Variants in HIPK1 observed in about 807,000 individuals in gnomAD.
HIPK1 encodes the protein homeodomain interacting protein kinase 1.
A neutral mutation model predicts 117.1 loss-of-function variants in HIPK1; 28 were observed. The ratio of observed to expected loss-of-function variants is 0.24; its 90% CI spans 0.18 to 0.33. The LOEUF (loss-of-function observed/expected upper bound fraction) is 0.33. HIPK1 is among the 10% of genes least tolerant of loss of function. HIPK1 has a pLI of 1.00. For missense variants in HIPK1, 1,122 were observed against 1,475.1 expected, an observed-to-expected ratio of 0.76 and a Z score of 3.92; for synonymous variants, 605 against 562.5, an observed-to-expected ratio of 1.08 and a Z score of -1.07.
Position 113,956,842 on chromosome 1 carries a change from A to G in HIPK1, c.1592+31A>G, listed in dbSNP as rs557768965. 138 of 1,600,098 alleles carry G rather than the reference A, an allele frequency of 8.6e-5. 1 individual carries two copies. The South Asian group carries it at 9.0e-4, about 10-fold the overall frequency. On this transcript the variant is annotated intron_variant, in intron 6 of 15. Coordinates refer to ENST00000426820, the MANE Select transcript of HIPK1 (RefSeq NM_198268.3). Reference sequence around the variant, plus strand: ...TATGGAATATTCTGGGGCTTTTGCCATGTGGTTCTTTGTTGAGTTACCGCC... The same window carrying G: ...TATGGAATATTCTGGGGCTTTTGCCGTGTGGTTCTTTGTTGAGTTACCGCC...
chr1:113,966,088 A>T (rs764368808), intron 10 of HIPK1, 42 bp from the exon 11 acceptor site: 1 of 1,572,272 alleles, frequency 6.4e-7, no homozygotes. Flanking sequence ...AAAGCCAAGA[A>T]TGAATCAAGT....
chr1:113,930,954 T>C (rs775581520), intron 1 of HIPK1: 5 of 152,384 alleles, frequency 3.3e-5, no homozygotes, highest in South Asian at 2.1e-4. Flanking sequence ...AGTGACACTT[T>C]GGGAATTCTC....
rs1180862126 is a variant in HIPK1, at chr1:113,941,258, T to C, written c.875T>C (p.Ile292Thr). 6.2e-7 allele frequency: 1 copy of C among 1,614,222 alleles called. No individual in the cohort carries two copies. The highest frequency in any genetic ancestry group is 8.5e-7 in the Non-Finnish European group (1 of 1,180,030). Residue 292 changes from isoleucine (I) to threonine (T), a missense_variant, in exon 2 of 16, where the codon ATC becomes ACC. By Grantham distance (89) the Ile-to-Thr change is moderately conservative (BLOSUM62 -1). This residue lies in a region of HIPK1 where 62 missense variants were observed against 121.5 expected (regional missense o/e 0.51). Coordinates refer to ENST00000426820, the MANE Select transcript of HIPK1 (RefSeq NM_198268.3). This position sits in a 1 kb window ranked among gnomAD's most constrained non-coding sequence, Gnocchi z 4.9. Reference protein sequence around the residue: ...NKFSPLPLKYIRPILQQVATA... With the variant: ...NKFSPLPLKYTRPILQQVATA... ...TTTAGCCCACTGCCACTCAAGTACA[T>C]CAGACCAATCTTGCAGCAGGTGGCC... is the stretch of plus-strand genomic sequence containing the variant.
At position 113,977,625 on chromosome 1, in the gene HIPK1, T is replaced by C. The variant is rs1378771096; in HGVS notation, c.*4113T>C. The C allele has an allele frequency of 6.6e-6, 1 of 152,646 alleles. No individual in the cohort carries two copies. Among genetic ancestry groups the C allele is most frequent in the Non-Finnish European group, 1.5e-5 (1 of 68,038 alleles). The allele number at this position is 152,646 out of a possible 1,614,324, so 9.5% of individuals were successfully genotyped here. On this transcript the variant is annotated 3_prime_UTR_variant, in exon 16 of 16. Coordinates refer to ENST00000426820, the MANE Select transcript of HIPK1 (RefSeq NM_198268.3). Reference sequence around the variant, plus strand: ...ATCATTTTAACAAAAGAAATAGATATTTAAAATTTAATACTAACTATGGGA... The same window carrying C: ...ATCATTTTAACAAAAGAAATAGATACTTAAAATTTAATACTAACTATGGGA...
chr1:113,964,673 T>C (rs1023269292), intron 10 of HIPK1, among the ~76,000 whole-genome samples: 5 of 152,246 alleles, frequency 3.3e-5, no homozygotes, highest in Admixed American at 2.6e-4. Flanking sequence ...TTAAAAGTCT[T>C]TGTCACTTCC....
intron 5 of HIPK1, among the ~76,000 whole-genome samples, 156 bp from the exon 6 acceptor site, chr1:113,956,471 C>G (rs1202599600): frequency 6.6e-6 from 1 of 152,174 alleles, no homozygotes; most frequent in African/African-American, 2.4e-5. Context: ...AGAGCTTCCT[C>G]CTCTGAAAAT....
Position 113,973,537 on chromosome 1 carries a change from T to TC in HIPK1, c.*26dup. 6.4e-7 allele frequency: 1 copy of TC among 1,551,850 alleles called. No individual in the cohort carries two copies. The highest frequency in any genetic ancestry group is 8.7e-7 in the Non-Finnish European group (1 of 1,145,808). On this transcript the variant is annotated 3_prime_UTR_variant, in exon 16 of 16. Transcript: ENST00000426820. The stretch of plus-strand genomic sequence containing the variant: ...GTTGGTGAGCATGAGGGAGGAGGAA[T>TC]CATGGCTACCTTCTCCTGGCCCTGC...
Position 113,963,506 on chromosome 1 carries a change from G to A in HIPK1, c.2223G>A (p.Gln741=), listed in dbSNP as rs1028507663. ...CAAGRPALVE[Q]TAAVLQAWPG... ...CCGGCCGGCCGGCGCTGGTTGAACA[G>A]ACTGCCGCTGTACTGGTAATTCCCC... Residue 741 remains glutamine (Q), a synonymous_variant, in exon 10 of 16, where the codon CAG becomes CAA. Transcript: ENST00000426820. 6.2e-7 allele frequency: 1 copy of A among 1,614,124 alleles called. No individual in the cohort carries two copies. Among genetic ancestry groups the A allele is most frequent in the Non-Finnish European group, 8.5e-7 (1 of 1,179,988 alleles).
rs745806611 is a variant in HIPK1, at chr1:113,954,720, A to C, written c.1270A>C (p.Arg424=). 6.2e-7 allele frequency: 1 copy of C among 1,614,082 alleles called. No homozygotes were observed. ...TCTCAGTGCCGGAACAAAAACAACCAGGTTTTTCAACAGAGATCCTAATTT... is the reference window on the plus strand; with the variant it reads ...TCTCAGTGCCGGAACAAAAACAACCCGGTTTTTCAACAGAGATCCTAATTT... The part of the protein sequence containing the change: ...YLLSAGTKTT[R]FFNRDPNLGY... The change falls in exon 4 of 16, where the codon AGG becomes CGG. Residue 424 remains arginine (R), a synonymous_variant. Coordinates refer to ENST00000426820, the MANE Select transcript of HIPK1 (RefSeq NM_198268.3).
intron 15 of HIPK1, 93 bp from the exon 16 acceptor site, chr1:113,972,931 A>G: frequency 1.4e-6 from 2 of 1,386,696 alleles, no homozygotes; most frequent in Non-Finnish European, 1.9e-6. Context: ...ATTCGAAAAC[A>G]GTACAAGTCA....
chr1:113,942,260 C>T (rs1670699813), intron 2 of HIPK1, among the ~76,000 whole-genome samples: 1 of 151,830 alleles, frequency 6.6e-6, no homozygotes, highest in African/African-American at 2.4e-5. Context: ...GGGGTTTCAC[C>T]ATGTTGACCG....
rs566377137 is a variant in HIPK1, at chr1:113,933,076, C to A, written c.-3+3544C>A. 5 of 508,172 alleles carry A rather than the reference C, an allele frequency of 9.8e-6. No homozygotes were observed. The East Asian group carries it at 6.0e-4, about 61-fold the overall frequency. The allele number at this position is 508,172 out of a possible 1,614,324, so 31.5% of individuals were successfully genotyped here. On this transcript the variant is annotated intron_variant, in intron 1 of 15. Transcript: ENST00000426820. The stretch of plus-strand genomic sequence containing the variant: ...ACCTATAGACTGTTATGTGCAGGTA[C>A]TAAAATGTAGTACCTTTTTACTAAA...
intron 8 of HIPK1, among the ~76,000 whole-genome samples, chr1:113,960,622 T>C (rs1315140229): frequency 6.6e-6 from 1 of 152,248 alleles, no homozygotes; most frequent in Non-Finnish European, 1.5e-5. Context: ...TAGTTAGGCA[T>C]GTATCCATGT....
At chr1:113,932,204 C>T (rs1669940312) in intron 1 of HIPK1, 1 of 152,008 alleles carries the variant, frequency 6.6e-6, no homozygotes, top group Non-Finnish European at 1.5e-5. Flanking sequence ...ATTTCAGCAA[C>T]ATTTTAAGTT....
chr1:113,951,719 T>G (rs1671371853), intron 2 of HIPK1, among the ~76,000 whole-genome samples: 1 of 152,172 alleles, frequency 6.6e-6, no homozygotes, highest in Non-Finnish European at 1.5e-5. Context: ...CAACTCTATG[T>G]GGTGGGAACT....
At position 113,952,873 on chromosome 1, in the gene HIPK1, C is replaced by A; in HGVS notation, c.1184C>A (p.Ala395Asp). 2.6e-6 allele frequency: 4 copies of A among 1,529,936 alleles called. No individual in the cohort carries two copies. The highest frequency in any genetic ancestry group is 4.8e-5 in the East Asian group (2 of 41,428). The allele number at this position is 1,529,936 out of a possible 1,614,324, so 94.8% of individuals were successfully genotyped here. The change falls in exon 3 of 16, where the codon GCT becomes GAT. Residue 395 changes from alanine (A) to aspartate (D), a missense_variant. By Grantham distance (126) the Ala-to-Asp change is moderately radical. Coordinates refer to ENST00000426820, the MANE Select transcript of HIPK1 (RefSeq NM_198268.3). ...CTGGGATGGCCTCTTTATCCTGGTG[C>A]TTCAGAATATGATCAGGTAAAAGTG... Reference protein sequence around the residue: ...LFLGWPLYPGASEYDQIRYIS... With the variant: ...LFLGWPLYPGDSEYDQIRYIS...
At chr1:113,969,565 A>G (rs1672682959) in intron 13 of HIPK1, among the ~76,000 whole-genome samples, 1 of 152,144 alleles carries the variant, frequency 6.6e-6, no homozygotes, top group African/African-American at 2.4e-5. Flanking sequence ...CTTTATCATC[A>G]TTGTTATCAT....
At chr1:113,938,205 AGTGATCCTTCCACCTTGG>A (rs1175009601) in intron 1 of HIPK1, among the ~76,000 whole-genome samples, 1 of 151,412 alleles carries the variant, frequency 6.6e-6, no homozygotes, top group Non-Finnish European at 1.5e-5. Context: ...CGTGGACTCA[AGTGATCCTTCCACCTTGG>A]GTTCCTAAAG....
chr1:113,937,746 G>C (rs1310083254), intron 1 of HIPK1, among the ~76,000 whole-genome samples: 1 of 152,108 alleles, frequency 6.6e-6, no homozygotes, highest in Non-Finnish European at 1.5e-5. Context: ...GTGGGGGCAG[G>C]GGGTGATCGT....
Sources: gnomAD v4.1 joint callset for allele counts (sites outside exome capture counted in the v4.1 genomes callset) on GRCh38, gnomAD v4.1.1 for gene constraint, gnomAD v4.1.1 regional missense constraint, Gnocchi (gnomAD v3.1) non-coding constraint, MANE v1.5 for transcripts, NCBI Gene and HGNC (gene_info 2026-07-23, HGNC 2026-07-21) for gene names.